The following PPME1 variants were observed in gnomAD, a reference collection of about 807,000 sequenced individuals.
PPME1 encodes protein phosphatase methylesterase 1, also known as testicular secretory protein Li 39.
PPME1 carries 17 observed loss-of-function variants against 56.9 expected under a neutral mutation model. The observed-to-expected ratio is 0.30, with a 90% CI of 0.20 to 0.45. The LOEUF (loss-of-function observed/expected upper bound fraction) is 0.45. PPME1 is among the 20% of genes least tolerant of loss of function. The probability of loss-of-function intolerance (pLI) is 1.00; values close to 1 mark genes in which losing one functional copy is unlikely to be tolerated. For missense variants in PPME1, 357 were observed against 483.2 expected, an observed-to-expected ratio of 0.74 and a Z score of 2.45; for synonymous variants, 122 against 156.2, an observed-to-expected ratio of 0.78 and a Z score of 1.63.
chr11:74,180,603 G>A (rs1030408307), intron 1 of PPME1, among the ~76,000 whole-genome samples: 2 of 152,068 alleles, frequency 1.3e-5, no homozygotes, highest in African/African-American at 2.4e-5. Flanking sequence ...TTATATGGTC[G>A]AAACTCTTGT....
At chr11:74,243,937 C>G (rs1859442538) in intron 9 of PPME1, among the ~76,000 whole-genome samples, 1 of 152,126 alleles carries the variant, frequency 6.6e-6, no homozygotes, top group African/African-American at 2.4e-5. Flanking sequence ...CTCCCCTTTT[C>G]TAAAACTCTT....
chr11:74,193,290 C>T (rs753032635), intron 1 of PPME1, among the ~76,000 whole-genome samples: 1 of 152,164 alleles, frequency 6.6e-6, no homozygotes, highest in Non-Finnish European at 1.5e-5. Flanking sequence ...ATAGTGACAC[C>T]GTTGCTTTCT....
chr11:74,221,014 A>G (rs1468499110), intron 3 of PPME1, among the ~76,000 whole-genome samples: 1 of 152,150 alleles, frequency 6.6e-6, no homozygotes, highest in Non-Finnish European at 1.5e-5. Context: ...CCCTCCTGTA[A>G]CCCAATTACT....
intron 1 of PPME1, among the ~76,000 whole-genome samples, chr11:74,196,056 T>C (rs1385946802): frequency 1.3e-5 from 2 of 152,178 alleles, no homozygotes; most frequent in African/African-American, 4.8e-5. Flanking sequence ...AATAATCACT[T>C]TGCAAAGCTT....
chr11:74,240,562 T>G (rs1323370690), intron 9 of PPME1, among the ~76,000 whole-genome samples: 2 of 152,236 alleles, frequency 1.3e-5, no homozygotes, highest in African/African-American at 4.8e-5. Flanking sequence ...ATGCTGCTGT[T>G]AGCAAGAAGG....
At chr11:74,183,981 C>G (rs945358020) in intron 1 of PPME1, among the ~76,000 whole-genome samples, 3 of 152,130 alleles carry the variant, frequency 2.0e-5, no homozygotes, top group African/African-American at 4.8e-5. Context: ...AGGGAGGAGC[C>G]ATAGACTTAG....
At chr11:74,200,590 G>A (rs950388220) in intron 1 of PPME1, among the ~76,000 whole-genome samples, 8 of 151,980 alleles carry the variant, frequency 5.3e-5, no homozygotes, top group Admixed American at 1.3e-4. Context: ...GCAGTGTTGA[G>A]CAGGCTGGTC....
chr11:74,229,280 C>A (rs147810466), intron 5 of PPME1, among the ~76,000 whole-genome samples: 1,771 of 152,166 alleles, frequency 0.012, 31 homozygotes, highest in African/African-American at 0.041. Flanking sequence ...ACAAAACTTT[C>A]TTTTGAAGTT....
chr11:74,252,078 A>T (rs1456238437), intron 13 of PPME1, among the ~76,000 whole-genome samples: 1 of 150,282 alleles, frequency 6.7e-6, no homozygotes, highest in Non-Finnish European at 1.5e-5. Flanking sequence ...CTGCCAAGGA[A>T]AGCTGGGCAG....
Position 74,204,392 on chromosome 11 carries a change from C to G in PPME1, c.235C>G (p.Leu79Val), listed in dbSNP as rs771482802. 6.2e-7 allele frequency: 1 copy of G among 1,613,470 alleles called. No homozygotes were observed. Among genetic ancestry groups the G allele is most frequent in the Non-Finnish European group, 8.5e-7 (1 of 1,179,564 alleles). Residue 79 changes from leucine (L) to valine (V), a missense_variant, in exon 3 of 14, where the codon CTG becomes GTG. This residue lies in a region of PPME1 where 175 missense variants were observed against 189.4 expected (regional missense o/e 0.92). Coordinates refer to ENST00000328257, the MANE Select transcript of PPME1 (RefSeq NM_016147.3). ...VYKSGSEGPV[L>V]LLLHGGGHSA... ...CAAGAGTGGTTCAGAGGGTCCAGTC[C>G]TGCTCCTTCTGCATGGAGGAGGTCA...
At chr11:74,206,793 C>T (rs1425975548) in intron 3 of PPME1, among the ~76,000 whole-genome samples, 2 of 152,044 alleles carry the variant, frequency 1.3e-5, no homozygotes, top group Non-Finnish European at 2.9e-5. Flanking sequence ...TGTCAAACTC[C>T]TGGCCTCAAG....
At chr11:74,204,252 C>G (rs1156694278) in intron 2 of PPME1, 101 bp from the exon 3 acceptor site, 3 of 850,340 alleles carry the variant, frequency 3.5e-6, no homozygotes, top group Admixed American at 2.4e-5. Context: ...ATTTGGCAGT[C>G]TGCAGTTTTG....
At chr11:74,243,358 T>A (rs950005175) in intron 9 of PPME1, 1 of 151,834 alleles carries the variant, frequency 6.6e-6, no homozygotes, top group Admixed American at 6.5e-5. Flanking sequence ...ATATATATAT[T>A]ATAATGTTAC....
At chr11:74,179,012 A>G (rs554934473) in intron 1 of PPME1, among the ~76,000 whole-genome samples, 17 of 152,298 alleles carry the variant, frequency 1.1e-4, no homozygotes, top group Non-Finnish European at 1.6e-4. Flanking sequence ...TACAAGTTAC[A>G]GGTATATTCT....
chr11:74,186,321 A>AGGG (rs1857681640), intron 1 of PPME1, among the ~76,000 whole-genome samples: 1 of 152,072 alleles, frequency 6.6e-6, no homozygotes, highest in African/African-American at 2.4e-5. Context: ...TCTCCCAATC[A>AGGG]TTACTATCCC....
At chr11:74,172,548 G>A (rs1857289953) in intron 1 of PPME1, among the ~76,000 whole-genome samples, 1 of 152,180 alleles carries the variant, frequency 6.6e-6, no homozygotes. Context: ...AGGAAGGAGA[G>A]CCATGTAGAA....
At chr11:74,174,646 C>G (rs779331557) in intron 1 of PPME1, among the ~76,000 whole-genome samples, 8 of 152,164 alleles carry the variant, frequency 5.3e-5, no homozygotes, top group Non-Finnish European at 1.0e-4. Context: ...GGTGATTTTT[C>G]ATGAGTTTCC....
chr11:74,229,450 A>G (rs891417008), intron 5 of PPME1, among the ~76,000 whole-genome samples: 1 of 151,706 alleles, frequency 6.6e-6, no homozygotes, highest in Non-Finnish European at 1.5e-5. Flanking sequence ...ACCAAACTTC[A>G]TACTTCAGTT....
chr11:74,229,064 T>C (rs1474015006), intron 5 of PPME1, among the ~76,000 whole-genome samples: 1 of 152,210 alleles, frequency 6.6e-6, no homozygotes, highest in Non-Finnish European at 1.5e-5. Flanking sequence ...ATTCAGATTG[T>C]CTACAATTGC....
Sources: allele counts gnomAD v4.1 joint callset (sites outside exome capture counted in the v4.1 genomes callset), GRCh38; gene constraint gnomAD v4.1.1; regional missense constraint gnomAD v4.1.1; transcripts MANE v1.5; gene names NCBI Gene and HGNC (gene_info 2026-07-23, HGNC 2026-07-21).